LMNA: variants seen among roughly 807,000 people sequenced by gnomAD.
LMNA encodes lamin.
Under a neutral mutation model 70.4 loss-of-function variants are expected in LMNA, and 20 were observed. The ratio of observed to expected loss-of-function variants is 0.28; its 90% confidence interval spans 0.20 to 0.41. The LOEUF is 0.41. LMNA is among the 10% of genes least tolerant of loss of function. The pLI is 1.00. For synonymous variants in LMNA, 339 were observed against 372.8 expected, an observed-to-expected ratio of 0.91 and a Z score of 1.04; for missense variants, 652 against 917.2, an observed-to-expected ratio of 0.71 and a Z score of 3.73.
At chr1:156,125,680 C>T (rs1650509812) in intron 1 of LMNA, among the ~76,000 whole-genome samples, 1 of 150,866 alleles carries the variant, frequency 6.6e-6, no homozygotes, top group South Asian at 2.1e-4. Flanking sequence ...CACAGTGAGA[C>T]TCTGTCTCAA....
At chr1:156,104,788 C>A (rs562669282) in intron 3 of LMNA, among the ~76,000 whole-genome samples, 6 of 152,308 alleles carry the variant, frequency 3.9e-5, no homozygotes, top group African/African-American at 1.4e-4. Flanking sequence ...CACCTCTAAA[C>A]CTTAGCTCCA....
intron 3 of LMNA, chr1:156,106,934 G>C (rs1649372453): frequency 6.6e-6 from 1 of 152,304 alleles, no homozygotes; most frequent in South Asian, 2.1e-4. Context: ...CTCCTGGGGA[G>C]ACTGTAGGAT....
intron 1 of LMNA, among the ~76,000 whole-genome samples, chr1:156,129,460 A>G (rs1650862229): frequency 6.6e-6 from 1 of 152,170 alleles, no homozygotes; most frequent in Non-Finnish European, 1.5e-5. Flanking sequence ...AAATGTTGGC[A>G]GGGCTGCTTT....
At chr1:156,129,252 C>T (rs1483054213) in intron 1 of LMNA, among the ~76,000 whole-genome samples, 1 of 152,146 alleles carries the variant, frequency 6.6e-6, no homozygotes, top group Non-Finnish European at 1.5e-5. Flanking sequence ...CATGTCCTTC[C>T]CCTGCCCCTC....
chr1:156,106,337 G>T (rs1649343472), intron 3 of LMNA, among the ~76,000 whole-genome samples: 1 of 152,228 alleles, frequency 6.6e-6, no homozygotes, highest in Non-Finnish European at 1.5e-5. Context: ...CTCTCCTCCA[G>T]CTCCAGTCCT....
chr1:156,126,180 T>C (rs1650558548), intron 1 of LMNA: 1 of 1,526,892 alleles, frequency 6.5e-7, no homozygotes, highest in Non-Finnish European at 8.8e-7. Context: ...GCTCTTCTGC[T>C]CCCTTCCTGT....
At chr1:156,104,728 CAGTT>C (rs1218897270) in intron 3 of LMNA, among the ~76,000 whole-genome samples, 1 of 152,200 alleles carries the variant, frequency 6.6e-6, no homozygotes, top group African/African-American at 2.4e-5. Context: ...CGTCGGTGCT[CAGTT>C]AGCCCCAACA....
upstream of LMNA, among the ~76,000 whole-genome samples, chr1:156,110,154 C>T (rs188277851): frequency 2.1e-3 from 317 of 152,166 alleles, 1 homozygote; most frequent in Non-Finnish European, 3.7e-3. Context: ...TCAGCCTCTG[C>T]TTTATATTTT....
chr1:156,116,751 A>G (rs1649853281), intron 1 of LMNA, among the ~76,000 whole-genome samples: 1 of 151,402 alleles, frequency 6.6e-6, no homozygotes, highest in Non-Finnish European at 1.5e-5. Context: ...TCTAGTAGAG[A>G]TGGGGTTTCT....
Position 156,138,626 on chromosome 1 carries a change from T to C in LMNA, c.1837T>C (p.Ser613Pro), listed in dbSNP as rs147627124. The C allele has an allele frequency of 1.2e-6, 2 of 1,613,310 alleles. No homozygotes were observed. Among genetic ancestry groups the C allele is most frequent in the Non-Finnish European group, 1.7e-6 (2 of 1,179,886 alleles). Residue 613 changes from serine (S) to proline (P), a missense_variant, in exon 11 of 12, where the codon TCT (serine) becomes CCT (proline). Ser to Pro is a moderately conservative substitution (Grantham distance 74). Transcript: ENST00000368300. This position sits in a 1 kb window ranked among gnomAD's most constrained non-coding sequence, Gnocchi z 5.5. ...AGCCCAGGTGGGCGGACCCATCTCC[T>C]CTGGCTCTTCTGCCTCCAGTGTCAC... ...SGAQVGGPIS[S>P]GSSASSVTVT...
At position 156,114,938 on chromosome 1, in the gene LMNA, G is replaced by A. The variant is rs751916168; in HGVS notation, c.20G>A (p.Arg7Gln). Residue 7 changes from arginine to glutamine, a missense_variant, in exon 1 of 12, where the codon CGG (arginine) becomes CAG (glutamine). Around this residue, in one of 4 missense-constraint regions of LMNA, gnomAD observed 254 missense variants for 421.9 expected, o/e 0.60. Coordinates refer to ENST00000368300, the MANE Select transcript of LMNA (RefSeq NM_170707.4). METPSQRRATRSGAQAS... is the reference protein window; with the variant it reads METPSQQRATRSGAQAS... ...CCGGCCATGGAGACCCCGTCCCAGC[G>A]GCGCGCCACCCGCAGCGGGGCGCAG... The A allele has an allele frequency of 7.0e-6, 11 of 1,564,146 alleles. No homozygotes were observed. The highest frequency in any genetic ancestry group is 1.8e-5 in the Admixed American group (1 of 54,296).
rs1651748044 is a variant in LMNA, at chr1:156,137,315, T to A, written c.1608+83T>A. 36 of 1,525,798 alleles carry A rather than the reference T, an allele frequency of 2.4e-5. 1 individual carries two copies. The South Asian group carries it at 4.2e-4, about 18-fold the overall frequency. The allele number at this position is 1,525,798 out of a possible 1,614,324, so 94.5% of individuals were successfully genotyped here. A position where few individuals can be genotyped will look rare whatever the true frequency, so the allele number is the denominator to read the frequency against. On this transcript the variant is annotated intron_variant, in intron 9 of 11. Transcript: ENST00000368300. This position sits in a 1 kb window ranked among gnomAD's most constrained non-coding sequence, Gnocchi z 4.6. ...CGGAGCCAGCTGCCCCCAACCCAAG[T>A]TTGCCAATTCAGGGCCCCTTTCTAG...
At chr1:156,088,026 C>T (rs1648547181) in intron 2 of LMNA, among the ~76,000 whole-genome samples, 1 of 152,004 alleles carries the variant, frequency 6.6e-6, no homozygotes, top group Non-Finnish European at 1.5e-5. Context: ...CGCGCACCAC[C>T]ACACCCAGCT....
chr1:156,134,670 C>A lies in LMNA; in HGVS notation c.640-135C>A. The stretch of plus-strand genomic sequence containing the variant: ...GACAGGGAGTTGGGGGTGGCCAGCA[C>A]TCAGCTCCCAGGTTAAAGTGGGGCT... On this transcript the variant is annotated intron_variant, in intron 3 of 11. Coordinates refer to ENST00000368300, the MANE Select transcript of LMNA (RefSeq NM_170707.4). This position sits in a 1 kb window ranked among gnomAD's most constrained non-coding sequence, Gnocchi z 5.3. 6.5e-7 allele frequency: 1 copy of A among 1,543,708 alleles called. No homozygotes were observed. Among genetic ancestry groups the A allele is most frequent in the Non-Finnish European group, 8.9e-7 (1 of 1,120,200 alleles).
At chr1:156,124,118 C>T (rs1650382368) in intron 1 of LMNA, among the ~76,000 whole-genome samples, 1 of 152,164 alleles carries the variant, frequency 6.6e-6, no homozygotes, top group Non-Finnish European at 1.5e-5. Flanking sequence ...GGAAGCAGAG[C>T]CATGCCTGCT....
upstream of LMNA, among the ~76,000 whole-genome samples, chr1:156,111,219 G>A (rs1330589836): frequency 6.6e-6 from 1 of 151,162 alleles, no homozygotes; most frequent in East Asian, 2.0e-4. Context: ...GGAGGCTAAG[G>A]TGAGGGGGCA....
rs545759448 is a variant in LMNA, at chr1:156,099,443, C to T, written c.-207+8861C>T. ...GTTTATTAATTGTGCAACATTGGAC[C>T]CTTTGTGCTTTGTTTTCTCACCTGT... On this transcript the variant is annotated intron_variant, in intron 3 of 12. Coordinates refer to the LMNA transcript ENST00000368301. Among the ~76,000 whole-genome samples the T allele has an allele frequency of 3.9e-4, 60 of 152,152 alleles. 2 individuals carry two copies. In the South Asian group the frequency reaches 0.012, roughly 31 times the overall value.
At position 156,130,809 on chromosome 1, in the gene LMNA, C is replaced by T. The variant is rs559920681; in HGVS notation, c.513+36C>T. On this transcript the variant is annotated intron_variant, in intron 2 of 11. Transcript: ENST00000368300. ...CCTGCAGGGCCCACCCATGGCCCCA[C>T]CTAACACATGTACACTCACTCTTCT... 34 of 1,548,526 alleles carry T rather than the reference C, an allele frequency of 2.2e-5. No individual in the cohort carries two copies. Among genetic ancestry groups the T allele is most frequent in the Middle Eastern group, 2.3e-4 (1 of 4,374 alleles).
intron 1 of LMNA, among the ~76,000 whole-genome samples, chr1:156,121,809 C>G (rs1431085502): frequency 6.6e-6 from 1 of 152,112 alleles, no homozygotes; most frequent in African/African-American, 2.4e-5. Flanking sequence ...AGGCCGAACT[C>G]TAATATTATA....
Sources: gnomAD v4.1 joint callset for allele counts (sites outside exome capture counted in the v4.1 genomes callset) on GRCh38, gnomAD v4.1.1 for gene constraint, gnomAD v4.1.1 regional missense constraint, Gnocchi (gnomAD v3.1) non-coding constraint, MANE v1.5 for transcripts, NCBI Gene and HGNC (gene_info 2026-07-23, HGNC 2026-07-21) for gene names.